DGKI: variants seen among roughly 807,000 people sequenced by gnomAD.
DGKI encodes the protein DAG kinase iota.
Under a neutral mutation model 147.5 loss-of-function variants are expected in DGKI, and 55 were observed. The ratio of observed to expected loss-of-function variants is 0.37; its 90% CI spans 0.30 to 0.47. The LOEUF (loss-of-function observed/expected upper bound fraction) is 0.47, where lower values mean the gene tolerates loss of function less well. Among genes scored for constraint, DGKI ranks in the 20% least tolerant of loss-of-function variants. The pLI is 1.00. For missense variants in DGKI, 1,007 were observed against 1,323.8 expected (o/e 0.76, Z 3.71); for synonymous variants, 469 against 477.1 (o/e 0.98, Z 0.22).
intron 1 of DGKI, among the ~76,000 whole-genome samples, chr7:137,728,886 C>A (rs543681444): frequency 6.6e-6 from 1 of 152,214 alleles, no homozygotes; most frequent in South Asian, 2.1e-4. Context: ...ATTTTGAGCT[C>A]TAATTTTAGG....
At chr7:137,828,717 T>G (rs1798134165) in intron 1 of DGKI, among the ~76,000 whole-genome samples, 1 of 152,182 alleles carries the variant, frequency 6.6e-6, no homozygotes, top group African/African-American at 2.4e-5. Flanking sequence ...CTCCTGGGGC[T>G]TTTGCTCTGT....
chr7:137,729,193 C>A (rs959612017), intron 1 of DGKI, among the ~76,000 whole-genome samples: 9 of 152,092 alleles, frequency 5.9e-5, no homozygotes, highest in African/African-American at 1.4e-4. Context: ...CCTACTAATA[C>A]AAAGACATTT....
At chr7:137,620,747 C>T (rs145283455) in intron 7 of DGKI, among the ~76,000 whole-genome samples, 182 of 152,232 alleles carry the variant, frequency 1.2e-3, no homozygotes, top group African/African-American at 4.1e-3. Context: ...GACCTTAGGC[C>T]AGTCAAGTTT....
intron 1 of DGKI, among the ~76,000 whole-genome samples, chr7:137,694,270 G>A (rs796474867): frequency 4.4e-4 from 67 of 151,702 alleles, no homozygotes; most frequent in African/African-American, 1.5e-3. Context: ...TGCAGTGAGC[G>A]GAGATCGTGC....
At chr7:137,451,670 T>C (rs910028265) in intron 27 of DGKI, among the ~76,000 whole-genome samples, 1 of 152,216 alleles carries the variant, frequency 6.6e-6, no homozygotes, top group Non-Finnish European at 1.5e-5. Flanking sequence ...ATAATGGGTG[T>C]CACGACTATT....
At chr7:137,537,691 G>A (rs893114025) in intron 20 of DGKI, among the ~76,000 whole-genome samples, 1 of 152,148 alleles carries the variant, frequency 6.6e-6, no homozygotes, top group Non-Finnish European at 1.5e-5. Flanking sequence ...CATTTCTGGA[G>A]GCTCCACTGG....
intron 6 of DGKI, among the ~76,000 whole-genome samples, chr7:137,624,628 G>A (rs779415159): frequency 1.0e-4 from 15 of 150,350 alleles, no homozygotes; most frequent in African/African-American, 3.2e-4. Context: ...TTTTTGAGAC[G>A]GGATCTTGGT....
intron 1 of DGKI, chr7:137,722,502 G>A (rs13310007): frequency 1.2e-6 from 2 of 1,611,532 alleles, no homozygotes; most frequent in African/African-American, 1.3e-5. Context: ...CTAGTGGCTT[G>A]TTACTTGTGA....
chr7:137,833,863 G>A (rs909396738), intron 1 of DGKI, among the ~76,000 whole-genome samples: 3 of 152,316 alleles, frequency 2.0e-5, no homozygotes, highest in African/African-American at 4.8e-5. Flanking sequence ...ACACACAAGA[G>A]GACAGAGGTC....
intron 1 of DGKI, among the ~76,000 whole-genome samples, chr7:137,717,086 C>G (rs552383269): frequency 6.6e-6 from 1 of 152,212 alleles, no homozygotes; most frequent in Non-Finnish European, 1.5e-5. Flanking sequence ...GACAGAGACT[C>G]TGTCTTACTT....
chr7:137,638,460 ATGTGTGTATATATGTGTG>A (rs1277055718), intron 6 of DGKI, among the ~76,000 whole-genome samples: 762 of 50,682 alleles, frequency 0.015, 34 homozygotes, highest in African/African-American at 0.043. Context: ...ACACATATAT[ATGTGTGTATATATGTGTG>A]TATATATATA....
intron 9 of DGKI, 91 bp from the exon 10 acceptor site, chr7:137,609,155 C>T: frequency 3.2e-6 from 3 of 942,022 alleles, no homozygotes; most frequent in South Asian, 1.5e-5. Flanking sequence ...CCCAATAATA[C>T]ATTTTGTTTC....
chr7:137,588,049 T>C (rs772139411), intron 12 of DGKI, among the ~76,000 whole-genome samples: 2 of 152,216 alleles, frequency 1.3e-5, no homozygotes, highest in Non-Finnish European at 2.9e-5. Flanking sequence ...GCCTAAGAAT[T>C]GTGTAACTGT....
At chr7:137,416,671 C>A (rs180949258) in intron 28 of DGKI, among the ~76,000 whole-genome samples, 1 of 152,290 alleles carries the variant, frequency 6.6e-6, no homozygotes, top group Non-Finnish European at 1.5e-5. Context: ...TCTGCTTCCC[C>A]CCCTCTGGAA....
At chr7:137,526,493 T>C (rs1817150673) in intron 20 of DGKI, among the ~76,000 whole-genome samples, 1 of 151,984 alleles carries the variant, frequency 6.6e-6, no homozygotes, top group Non-Finnish European at 1.5e-5. Context: ...GCTCTGGACT[T>C]AATTCCCAAA....
At chr7:137,475,777 T>G (rs1039873157) in intron 23 of DGKI, among the ~76,000 whole-genome samples, 1 of 152,188 alleles carries the variant, frequency 6.6e-6, no homozygotes, top group Non-Finnish European at 1.5e-5. Context: ...TTTACCAAGT[T>G]TCAACTTCTT....
At chr7:137,460,424 T>A (rs1032875078) in intron 27 of DGKI, among the ~76,000 whole-genome samples, 1 of 152,226 alleles carries the variant, frequency 6.6e-6, no homozygotes, top group Admixed American at 6.5e-5. Context: ...TATATCAATA[T>A]GAATGAATTT....
rs550302805 is a variant in DGKI, at chr7:137,817,095, G to A, written c.401+29367C>T. On this transcript the variant is annotated intron_variant, in intron 1 of 32. Transcript: ENST00000614521. ...CCCAACTGATCATGTTATATTTCTCGGTTACCAACTTGCTTTTTATTTCCT... is the reference window on the plus strand; with the variant it reads ...CCCAACTGATCATGTTATATTTCTCAGTTACCAACTTGCTTTTTATTTCCT... 3.2e-4 allele frequency among the ~76,000 whole-genome samples: 49 copies of A among 152,180 alleles called. 1 individual carries two copies. Among genetic ancestry groups the A allele is most frequent in the African/African-American group, 1.1e-3 (44 of 41,540 alleles).
At chr7:137,567,845 G>T (rs116014195) in intron 19 of DGKI, among the ~76,000 whole-genome samples, 222 of 152,036 alleles carry the variant, frequency 1.5e-3, no homozygotes, top group African/African-American at 4.9e-3. Context: ...AATTATTGAT[G>T]GATAAAATGA....
Sources: gnomAD v4.1 joint callset for allele counts (sites outside exome capture counted in the v4.1 genomes callset) on GRCh38, gnomAD v4.1.1 for gene constraint, MANE v1.5 for transcripts, NCBI Gene and HGNC (gene_info 2026-07-23, HGNC 2026-07-21) for gene names.